The following ANXA4 variants were observed in gnomAD, a reference collection of about 807,000 sequenced individuals.
ANXA4 encodes the protein annexin A4.
In ANXA4, 39 loss-of-function variants were observed where a neutral mutation model predicts 49.8. That is an observed-to-expected ratio of 0.78 (90% CI 0.61 to 1.02). The LOEUF is 1.02. Ranked by LOEUF, ANXA4 falls within the 50% of genes least tolerant of loss-of-function variation. The pLI is 0.00. For synonymous variants in ANXA4, 134 were observed against 152.5 expected, an observed-to-expected ratio of 0.88 and a Z score of 0.89; for missense variants, 360 against 410.1, an observed-to-expected ratio of 0.88 and a Z score of 1.05.
At chr2:69,750,258 T>C (rs529908478) in intron 1 of ANXA4, among the ~76,000 whole-genome samples, 133 of 152,328 alleles carry the variant, frequency 8.7e-4, no homozygotes, top group African/African-American at 2.8e-3. Context: ...TCCTTATATG[T>C]GTACAAAGGA....
At chr2:69,662,037 A>G (rs995560052) in intron 2 of ANXA4, among the ~76,000 whole-genome samples, 9 of 152,208 alleles carry the variant, frequency 5.9e-5, no homozygotes, top group Non-Finnish European at 1.0e-4. Context: ...TGACCATTAT[A>G]TCTCATGATT....
At chr2:69,680,860 A>G (rs1172617159) in intron 2 of ANXA4, among the ~76,000 whole-genome samples, 1 of 152,138 alleles carries the variant, frequency 6.6e-6, no homozygotes, top group Admixed American at 6.6e-5. Context: ...ATCTCTCTTA[A>G]TAATGGTGTA....
Position 69,656,998 on chromosome 2 carries a change from A to T in ANXA4, n.766+3716A>T, listed in dbSNP as rs1231083382. On this transcript the variant is annotated intron_variant and non_coding_transcript_variant, in intron 2 of 3. Coordinates refer to the ANXA4 transcript ENST00000418066. ...TTTTACTGATATAATCACTATATTC[A>T]TTTTTTTTTTTTTTTTGAGGTGGAG... is the stretch of plus-strand genomic sequence containing the variant. Among the ~76,000 whole-genome samples, 299 of 135,718 alleles carry T rather than the reference A, an allele frequency of 2.2e-3. 1 individual carries two copies. Among genetic ancestry groups the T allele is most frequent in the African/African-American group, 7.6e-3 (279 of 36,944 alleles). 89.0% of individuals were successfully genotyped at this position (135,718 alleles called of 152,430 possible). A position where few individuals can be genotyped will look rare whatever the true frequency, so the allele number is the denominator to read the frequency against.
intron 1 of ANXA4, among the ~76,000 whole-genome samples, chr2:69,645,757 C>T (rs1675987135): frequency 6.6e-6 from 1 of 152,202 alleles, no homozygotes; most frequent in African/African-American, 2.4e-5. Flanking sequence ...GACTAGATTC[C>T]TTGCCCTCCA....
At chr2:69,759,272 T>A (rs562402813) in intron 1 of ANXA4, among the ~76,000 whole-genome samples, 1 of 151,986 alleles carries the variant, frequency 6.6e-6, no homozygotes, top group Non-Finnish European at 1.5e-5. Context: ...GTATAAAATA[T>A]AGAAAATTAA....
chr2:69,733,939 C>T (rs949897218), intron 3 of ANXA4, among the ~76,000 whole-genome samples: 2 of 151,796 alleles, frequency 1.3e-5, no homozygotes, highest in African/African-American at 4.8e-5. Context: ...GCATTTGTTC[C>T]AATATGGGAT....
At chr2:69,765,150 C>T (rs1296504165) in intron 1 of ANXA4, among the ~76,000 whole-genome samples, 1 of 152,158 alleles carries the variant, frequency 6.6e-6, no homozygotes, top group East Asian at 1.9e-4. Context: ...TTTGCTTCCA[C>T]TTTTGGCTAT....
intron 1 of ANXA4, among the ~76,000 whole-genome samples, chr2:69,756,270 C>A (rs1348110401): frequency 6.6e-6 from 1 of 152,154 alleles, no homozygotes; most frequent in Non-Finnish European, 1.5e-5. Flanking sequence ...ATAGCCCTGC[C>A]TTGGGGCGTT....
At chr2:69,691,770 G>A (rs1020569855) in intron 2 of ANXA4, among the ~76,000 whole-genome samples, 5 of 152,218 alleles carry the variant, frequency 3.3e-5, no homozygotes, top group African/African-American at 9.6e-5. Context: ...AGTTAGCAGC[G>A]TAGAAGCAGC....
intron 2 of ANXA4, among the ~76,000 whole-genome samples, chr2:69,707,998 A>G (rs753162309): frequency 2.6e-5 from 4 of 152,214 alleles, no homozygotes; most frequent in Non-Finnish European, 4.4e-5. Flanking sequence ...ACTCAGCAAC[A>G]TGGTTTTCTC....
chr2:69,805,699 T>C (rs1366034340), intron 4 of ANXA4, among the ~76,000 whole-genome samples: 1 of 152,148 alleles, frequency 6.6e-6, no homozygotes, highest in Non-Finnish European at 1.5e-5. Flanking sequence ...TGGAAGTATA[T>C]TCAAGACATA....
chr2:69,771,325 T>C (rs1671708998), intron 1 of ANXA4, among the ~76,000 whole-genome samples: 1 of 152,130 alleles, frequency 6.6e-6, no homozygotes, highest in Non-Finnish European at 1.5e-5. Flanking sequence ...GGACAGGGCT[T>C]AGATGAATAT....
At chr2:69,646,336 C>T (rs146016166) in intron 1 of ANXA4, among the ~76,000 whole-genome samples, 1 of 152,328 alleles carries the variant, frequency 6.6e-6, no homozygotes, top group Non-Finnish European at 1.5e-5. Context: ...CTGTCTCAAC[C>T]AAACACCTCA....
intron 3 of ANXA4, 57 bp from the exon 4 acceptor site, chr2:69,804,476 T>C (rs754408119): frequency 2.5e-5 from 38 of 1,493,952 alleles, no homozygotes; most frequent in South Asian, 2.3e-4. Flanking sequence ...CAGAGGAACC[T>C]GCTTTCTCAT....
chr2:69,781,747 G>A (rs1348282943), intron 2 of ANXA4, among the ~76,000 whole-genome samples, 173 bp downstream of exon 2: 1 of 152,086 alleles, frequency 6.6e-6, no homozygotes, highest in African/African-American at 2.4e-5. Context: ...TTTAGGGGTG[G>A]TAAGCAACTT....
intron 2 of ANXA4, among the ~76,000 whole-genome samples, chr2:69,684,627 G>A (rs1020252564): frequency 1.3e-5 from 2 of 149,568 alleles, no homozygotes; most frequent in Admixed American, 6.7e-5. Context: ...GGTTGAGACT[G>A]TAGTGAGCCA....
intron 2 of ANXA4, among the ~76,000 whole-genome samples, chr2:69,670,067 G>A (rs915825072): frequency 2.0e-5 from 3 of 152,094 alleles, no homozygotes; most frequent in African/African-American, 7.2e-5. Context: ...CTAGAGACAG[G>A]GTAGGAACTG....
chr2:69,665,940 C>G (rs1386788833), intron 2 of ANXA4, among the ~76,000 whole-genome samples: 2 of 152,148 alleles, frequency 1.3e-5, no homozygotes, highest in South Asian at 2.1e-4. Context: ...CATGGTGGCT[C>G]ACACCTATAA....
intron 3 of ANXA4, among the ~76,000 whole-genome samples, chr2:69,802,440 C>T (rs1177939342): frequency 6.6e-6 from 1 of 152,180 alleles, no homozygotes; most frequent in Non-Finnish European, 1.5e-5. Flanking sequence ...GGGCTGGGTG[C>T]AGTGGCTCAC....
Sources: gnomAD v4.1 joint callset for allele counts (sites outside exome capture counted in the v4.1 genomes callset) on GRCh38, gnomAD v4.1.1 for gene constraint, MANE v1.5 for transcripts, NCBI Gene and HGNC (gene_info 2026-07-23, HGNC 2026-07-21) for gene names.